FAF1: variants seen among roughly 807,000 people sequenced by gnomAD.
FAF1 encodes the protein FAS-associated factor 1.
Under a neutral mutation model 92.5 loss-of-function variants are expected in FAF1, and 25 were observed. That is an observed-to-expected ratio of 0.27 (90% CI 0.20 to 0.38). FAF1 has a LOEUF of 0.38. Among genes scored for constraint, FAF1 ranks in the 10% least tolerant of loss-of-function variants. FAF1 has a pLI of 1.00. For synonymous variants in FAF1, 234 were observed against 273.2 expected (o/e 0.86, Z 1.42); for missense variants, 636 against 793.3 (o/e 0.80, Z 2.38).
chr1:50,826,379 C>G (rs1035280444), intron 2 of FAF1, among the ~76,000 whole-genome samples: 1 of 151,626 alleles, frequency 6.6e-6, no homozygotes, highest in African/African-American at 2.4e-5. Context: ...GGTGAAACCC[C>G]GTCTCTACTA....
At position 50,493,611 on chromosome 1, in the gene FAF1, T is replaced by C. The variant is rs577242912; in HGVS notation, c.1495-1810A>G. ...CATAATTATTTATTTAATGCTAAAC[T>C]ACCCCATGACACTGTAAGCTCCACA... On this transcript the variant is annotated intron_variant, in intron 15 of 18. Coordinates refer to ENST00000396153, the MANE Select transcript of FAF1 (RefSeq NM_007051.3). 3.3e-5 allele frequency among the ~76,000 whole-genome samples: 5 copies of C among 152,352 alleles called. 1 individual carries two copies. Among genetic ancestry groups the C allele is most frequent in the African/African-American group, 1.2e-4 (5 of 41,588 alleles).
chr1:50,692,323 C>T (rs1557478310), intron 7 of FAF1, among the ~76,000 whole-genome samples: 1 of 143,104 alleles, frequency 7.0e-6, no homozygotes, highest in Non-Finnish European at 1.5e-5. Context: ...AATCTTTTAG[C>T]AATTTTGAAA....
At position 50,951,191 on chromosome 1, in the gene FAF1, G is replaced by A. The variant is rs144288831; in HGVS notation, c.45+8576C>T. On this transcript the variant is annotated intron_variant, in intron 1 of 18. Coordinates refer to ENST00000396153, the MANE Select transcript of FAF1 (RefSeq NM_007051.3). ...GGAGGTTGCACTGAGCCAAGATCACGCCACTGCACTCCAGCCTGGGTGGCC... is the reference window on the plus strand; with the variant it reads ...GGAGGTTGCACTGAGCCAAGATCACACCACTGCACTCCAGCCTGGGTGGCC... 2.0e-3 allele frequency among the ~76,000 whole-genome samples: 298 copies of A among 152,308 alleles called. 3 individuals are homozygous for A. The highest frequency in any genetic ancestry group is 6.0e-3 in the Admixed American group (92 of 15,296).
chr1:50,918,191 ATT>A (rs563259409), intron 1 of FAF1, among the ~76,000 whole-genome samples: 4 of 134,382 alleles, frequency 3.0e-5, no homozygotes, highest in African/African-American at 5.4e-5. Context: ...TTTTTTTTTA[ATT>A]TTTTTTTTTT....
intron 2 of FAF1, 108 bp downstream of exon 2, chr1:50,857,821 A>C (rs1174660505): frequency 3.4e-6 from 2 of 586,324 alleles, no homozygotes; most frequent in Non-Finnish European, 6.0e-6. Flanking sequence ...CTCAGCTTAG[A>C]GTTATAGATG....
chr1:50,669,912 G>A (rs909780224), intron 7 of FAF1, among the ~76,000 whole-genome samples: 1 of 151,970 alleles, frequency 6.6e-6, no homozygotes, highest in African/African-American at 2.4e-5. Flanking sequence ...ACTTGAGGTC[G>A]GGAGTTCGAG....
chr1:50,684,538 C>A (rs753211054), intron 7 of FAF1, among the ~76,000 whole-genome samples: 1 of 152,024 alleles, frequency 6.6e-6, no homozygotes, highest in East Asian at 1.9e-4. Context: ...GACATACAAC[C>A]AATGATATAC....
intron 1 of FAF1, among the ~76,000 whole-genome samples, chr1:50,937,972 G>C (rs754609605): frequency 2.6e-5 from 4 of 152,124 alleles, no homozygotes; most frequent in Non-Finnish European, 5.9e-5. Context: ...AATATCTGTT[G>C]AATAAATTAA....
At chr1:50,739,166 T>C (rs1271303088) in intron 5 of FAF1, among the ~76,000 whole-genome samples, 1 of 151,970 alleles carries the variant, frequency 6.6e-6, no homozygotes, top group African/African-American at 2.4e-5. Context: ...TATGGTTGTA[T>C]ACCTATATAT....
At chr1:50,541,312 G>C (rs144765499) in intron 13 of FAF1, among the ~76,000 whole-genome samples, 1 of 152,168 alleles carries the variant, frequency 6.6e-6, no homozygotes, top group African/African-American at 2.4e-5. Flanking sequence ...ACATTCAGAA[G>C]AGCAATAACC....
intron 3 of FAF1, 37 bp downstream of exon 3, chr1:50,801,594 C>T: frequency 1.6e-6 from 2 of 1,218,838 alleles, no homozygotes; most frequent in Non-Finnish European, 2.4e-6. Flanking sequence ...CTTTGTTCTG[C>T]TAAGTCATCT....
In FAF1 at chr1:50,953,767, T is replaced by G. The variant is rs918261770; in HGVS notation, c.45+6000A>C. Reference sequence around the variant, plus strand: ...ACAAAAAAAAAGAAAGAAAAGAAAATTCATCAAGCAATTTAGGCAGCAAAA... The same window carrying G: ...ACAAAAAAAAAGAAAGAAAAGAAAAGTCATCAAGCAATTTAGGCAGCAAAA... On this transcript the variant is annotated intron_variant, in intron 1 of 18. Coordinates refer to ENST00000396153, the MANE Select transcript of FAF1 (RefSeq NM_007051.3). Among the ~76,000 whole-genome samples the G allele has an allele frequency of 8.6e-5, 13 of 151,396 alleles. 1 individual carries two copies. The highest frequency in any genetic ancestry group is 4.2e-4 in the South Asian group (2 of 4,784).
chr1:50,458,971 T>A (rs1020155015), intron 18 of FAF1, among the ~76,000 whole-genome samples: 5 of 151,486 alleles, frequency 3.3e-5, no homozygotes, highest in African/African-American at 9.7e-5. Flanking sequence ...CTGCCCTTTT[T>A]TTTTTCTTTT....
At chr1:50,493,676 C>T (rs1646866562) in intron 15 of FAF1, among the ~76,000 whole-genome samples, 1 of 152,132 alleles carries the variant, frequency 6.6e-6, no homozygotes, top group Non-Finnish European at 1.5e-5. Flanking sequence ...CTCTGTATTC[C>T]ACATACTGCC....
intron 18 of FAF1, among the ~76,000 whole-genome samples, chr1:50,474,203 T>A (rs1252437621): frequency 6.6e-6 from 1 of 152,086 alleles, no homozygotes; most frequent in East Asian, 1.9e-4. Flanking sequence ...AAAAATCAGA[T>A]CCCTCTTTTA....
chr1:50,530,148 C>G (rs1648062501), intron 15 of FAF1, among the ~76,000 whole-genome samples: 1 of 151,768 alleles, frequency 6.6e-6, no homozygotes, highest in Admixed American at 6.6e-5. Flanking sequence ...GATTTTTAAT[C>G]TCACATATAA....
intron 6 of FAF1, among the ~76,000 whole-genome samples, chr1:50,729,034 C>CTATCTATATATATA (rs774816134): frequency 1.0e-4 from 9 of 88,118 alleles, no homozygotes; most frequent in South Asian, 3.7e-4. Flanking sequence ...ATCTATCTAT[C>CTATCTATATATATA]TATATATATA....
intron 1 of FAF1, among the ~76,000 whole-genome samples, chr1:50,952,962 T>C (rs1373346277): frequency 6.6e-6 from 1 of 151,944 alleles, no homozygotes; most frequent in East Asian, 1.9e-4. Flanking sequence ...AAGGGGGAAA[T>C]GTGGGGAAAA....
intron 4 of FAF1, among the ~76,000 whole-genome samples, chr1:50,758,832 T>G (rs1471451038): frequency 6.6e-6 from 1 of 152,148 alleles, no homozygotes; most frequent in Non-Finnish European, 1.5e-5. Flanking sequence ...GAAGTCTGTA[T>G]TTTTTATTAT....
Sources: allele counts gnomAD v4.1 joint callset (sites outside exome capture counted in the v4.1 genomes callset), GRCh38; gene constraint gnomAD v4.1.1; transcripts MANE v1.5; gene names NCBI Gene and HGNC (gene_info 2026-07-23, HGNC 2026-07-21).